TXNDC11: variants seen among roughly 807,000 people sequenced by gnomAD.
TXNDC11 encodes the protein thioredoxin domain containing 11, also known as thioredoxin domain-containing protein 11.
In TXNDC11, 68 loss-of-function variants were observed where a neutral mutation model predicts 78.0. That is an observed-to-expected ratio of 0.87 (90% CI 0.72 to 1.07). The LOEUF is 1.07. Ranked by LOEUF, TXNDC11 falls within the 50% of genes least tolerant of loss-of-function variation. The pLI is 0.00. For missense variants in TXNDC11, 1,389 were observed against 1,221.8 expected (o/e 1.14, Z -2.04); for synonymous variants, 571 against 495.2 (o/e 1.15, Z -2.03).
chr16:11,702,004 T>C, intron 5 of TXNDC11, among the ~76,000 whole-genome samples: 1 of 147,852 alleles, frequency 6.8e-6, no homozygotes, highest in East Asian at 2.0e-4. Context: ...GCTGAAAGAG[T>C]AGACTTTTGA....
At chr16:11,702,981 AG>A (rs1411423288) in intron 5 of TXNDC11, among the ~76,000 whole-genome samples, 1 of 152,226 alleles carries the variant, frequency 6.6e-6, no homozygotes, top group African/African-American at 2.4e-5. Context: ...GGCTGGGGAA[AG>A]GGGACTGGAA....
chr16:11,710,406 A>C (rs144997402), intron 5 of TXNDC11, among the ~76,000 whole-genome samples: 1 of 152,326 alleles, frequency 6.6e-6, no homozygotes, highest in African/African-American at 2.4e-5. Context: ...GGCCTACAAA[A>C]ATAGGCCAAG....
rs1044300051 is a variant in TXNDC11, at chr16:11,718,689, CA to C, written c.793+2887del. 4.6e-4 allele frequency among the ~76,000 whole-genome samples: 70 copies of C among 151,686 alleles called. 1 individual carries two copies. The highest frequency in any genetic ancestry group is 4.5e-3 in the Admixed American group (69 of 15,236). On this transcript the variant is annotated intron_variant, in intron 5 of 11. Transcript: ENST00000283033. ...ATTTCCAATTGTGTGAATTTAGCCA[CA>C]AAAAAATGGGGTGAAAAGGATTAAT... is the stretch of plus-strand genomic sequence containing the variant.
At position 11,700,544 on chromosome 16, in the gene TXNDC11, A is replaced by G. The variant is rs1252957449; in HGVS notation, c.814T>C (p.Phe272Leu). The change falls in exon 6 of 12, where the codon TTT becomes CTT. Residue 272 changes from phenylalanine (F) to leucine (L), a missense_variant. Phe to Leu is a conservative substitution (Grantham distance 22). Coordinates refer to ENST00000283033, the MANE Select transcript of TXNDC11 (RefSeq NM_015914.7). ...LKKDYLGTVRFGVITNKHLAK... is the reference protein window; with the variant it reads ...LKKDYLGTVRLGVITNKHLAK... ...AGATGTTTATTTGTGATAACCCCAA[A>G]TCGTACTGTTCCTAGGTAATCTGAA... 4 of 1,598,420 alleles carry G rather than the reference A, an allele frequency of 2.5e-6. No homozygotes were observed. In the South Asian group the frequency reaches 4.4e-5, roughly 18 times the overall value.
chr16:11,730,541 C>G, intron 4 of TXNDC11, 104 bp downstream of exon 4: 1 of 1,220,478 alleles, frequency 8.2e-7, no homozygotes. Context: ...CTTTTACTTG[C>G]TGCAATTCAG....
At chr16:11,721,056 T>C (rs1224043277) in intron 5 of TXNDC11, among the ~76,000 whole-genome samples, 2 of 151,854 alleles carry the variant, frequency 1.3e-5, no homozygotes, top group Non-Finnish European at 2.9e-5. Context: ...GCTATATTTT[T>C]AAAAAGCAAA....
At chr16:11,735,201 T>C (rs1273433728) in intron 2 of TXNDC11, among the ~76,000 whole-genome samples, 1 of 152,196 alleles carries the variant, frequency 6.6e-6, no homozygotes, top group African/African-American at 2.4e-5. Context: ...GGATAATCAA[T>C]TACTAAGAGC....
chr16:11,687,710 A>C, intron 10 of TXNDC11, 147 bp downstream of exon 10: 1 of 589,610 alleles, frequency 1.7e-6, no homozygotes, highest in Non-Finnish European at 3.1e-6. Context: ...GGCTTTGCTC[A>C]TGGCTTCAAC....
At chr16:11,707,044 G>T (rs146735965) in intron 5 of TXNDC11, among the ~76,000 whole-genome samples, 195 of 152,276 alleles carry the variant, frequency 1.3e-3, no homozygotes, top group Admixed American at 3.1e-3. Flanking sequence ...TATATTTGGG[G>T]ATCCTAGAAC....
Position 11,700,507 on chromosome 16 carries a change from A to G in TXNDC11, c.851T>C (p.Val284Ala). The change falls in exon 6 of 12, where the codon GTA becomes GCA. Residue 284 changes from valine to alanine, a missense_variant. Physicochemically the swap from Val to Ala is moderately conservative, Grantham distance 64. Transcript: ENST00000283033. Reference protein sequence around the residue: ...VITNKHLAKLVSLVHSGSVYL... With the variant: ...VITNKHLAKLASLVHSGSVYL... ...CACACTTCCAGAGTGTACTAAGGAT[A>G]CCAGTTTCGCAAGATGTTTATTTGT... 1 of 1,606,628 alleles carries G rather than the reference A, an allele frequency of 6.2e-7. No homozygotes were observed. Among genetic ancestry groups the G allele is most frequent in the Non-Finnish European group, 8.5e-7 (1 of 1,173,376 alleles).
intron 1 of TXNDC11, 110 bp downstream of exon 1, chr16:11,742,367 G>A: frequency 1.1e-6 from 1 of 910,258 alleles, no homozygotes; most frequent in Non-Finnish European, 1.5e-6. Context: ...TCCTGGGCAA[G>A]GTCAGGCCCG....
At chr16:11,704,811 G>A (rs1567317606) in intron 5 of TXNDC11, among the ~76,000 whole-genome samples, 1 of 152,110 alleles carries the variant, frequency 6.6e-6, no homozygotes, top group Non-Finnish European at 1.5e-5. Flanking sequence ...ATCCCAGACT[G>A]GATCCTGAAA....
intron 1 of TXNDC11, among the ~76,000 whole-genome samples, chr16:11,740,431 A>G (rs1385003560): frequency 6.6e-6 from 1 of 152,232 alleles, no homozygotes; most frequent in Non-Finnish European, 1.5e-5. Flanking sequence ...TGCCTACTCT[A>G]GTAACTGGAT....
At chr16:11,683,326 T>C (rs913233929) in intron 11 of TXNDC11, among the ~76,000 whole-genome samples, 1 of 152,158 alleles carries the variant, frequency 6.6e-6, no homozygotes, top group Non-Finnish European at 1.5e-5. Context: ...GACCATCCCA[T>C]GGCGGACGTT....
chr16:11,729,271 C>T (rs546737651), intron 4 of TXNDC11, among the ~76,000 whole-genome samples: 18 of 152,304 alleles, frequency 1.2e-4, no homozygotes, highest in African/African-American at 4.3e-4. Context: ...CCCCAGTACC[C>T]TGCCTCTTAA....
At position 11,685,245 on chromosome 16, in the gene TXNDC11, A is replaced by C. The variant is rs970027364; in HGVS notation, c.2154-1000T>G. On this transcript the variant is annotated intron_variant, in intron 10 of 11. Coordinates refer to ENST00000283033, the MANE Select transcript of TXNDC11 (RefSeq NM_015914.7). ...CTGGCACATGCCTGTAGTCCCAGCT[A>C]CTTGGGAAGGTGGGAGAATCACCTG... is the stretch of plus-strand genomic sequence containing the variant. Among the ~76,000 whole-genome samples, 19 of 152,292 alleles carry C rather than the reference A, an allele frequency of 1.2e-4. No homozygotes were observed. In the South Asian group the frequency reaches 2.3e-3, roughly 18 times the overall value.
intron 1 of TXNDC11, among the ~76,000 whole-genome samples, chr16:11,737,337 CG>C (rs1241524664): frequency 6.6e-6 from 1 of 151,228 alleles, no homozygotes; most frequent in Non-Finnish European, 1.5e-5. Context: ...CCCAGCTTCT[CG>C]GGAAGCTGAG....
chr16:11,709,193 T>C (rs2051265863), intron 5 of TXNDC11, among the ~76,000 whole-genome samples: 1 of 151,748 alleles, frequency 6.6e-6, no homozygotes, highest in Non-Finnish European at 1.5e-5. Flanking sequence ...CATTTGGACA[T>C]CACAGATACA....
At chr16:11,684,978 G>C (rs142218426) in intron 10 of TXNDC11, among the ~76,000 whole-genome samples, 1 of 152,378 alleles carries the variant, frequency 6.6e-6, no homozygotes, top group East Asian at 1.9e-4. Flanking sequence ...TCTTTACCTT[G>C]ACAGAAGTTT....
Sources: allele counts gnomAD v4.1 joint callset (sites outside exome capture counted in the v4.1 genomes callset), GRCh38; gene constraint gnomAD v4.1.1; transcripts MANE v1.5; gene names NCBI Gene and HGNC (gene_info 2026-07-23, HGNC 2026-07-21).